SLBP: variants seen among roughly 807,000 people sequenced by gnomAD.
SLBP encodes the protein stem-loop histone mRNA binding protein, also known as histone RNA hairpin-binding protein.
A neutral mutation model predicts 39.2 loss-of-function variants in SLBP; 29 were observed. The ratio of observed to expected loss-of-function variants is 0.74; its 90% CI spans 0.55 to 1.01. The LOEUF (loss-of-function observed/expected upper bound fraction) is 1.01. Among genes scored for constraint, SLBP ranks in the 50% least tolerant of loss-of-function variants. SLBP has a pLI of 0.00. For synonymous variants in SLBP, 129 were observed against 118.7 expected (o/e 1.09, Z -0.57); for missense variants, 390 against 350.2 (o/e 1.11, Z -0.91).
At position 1,700,106 on chromosome 4, in the gene SLBP, G is replaced by C. The variant is rs759114397; in HGVS notation, c.282-36C>G. ...AATAAATATTGCTGTTTTTAAAAAA[G>C]ATATAAAAATAAAGCAGCCAGGTCT... On this transcript the variant is annotated intron_variant, in intron 3 of 7. Coordinates refer to ENST00000489418, the MANE Select transcript of SLBP (RefSeq NM_006527.4). 2.0e-6 allele frequency: 3 copies of C among 1,487,560 alleles called. No homozygotes were observed. The African/African-American group carries it at 4.2e-5, about 21-fold the overall frequency. The allele number at this position is 1,487,560 out of a possible 1,614,324, so 92.1% of individuals were successfully genotyped here.
intron 2 of SLBP, among the ~76,000 whole-genome samples, chr4:1,705,878 C>G (rs954939376): frequency 1.3e-5 from 2 of 152,128 alleles, no homozygotes; most frequent in African/African-American, 4.8e-5. Context: ...CCCAGCTACA[C>G]AGGAGGCCCA....
rs750212720 is a variant in SLBP at position 1,712,279 on chromosome 4, A to G, written c.-91T>C. On this transcript the variant is annotated 5_prime_UTR_variant, in exon 1 of 8. Transcript: ENST00000489418. ...GCAGAGTAGAGCAGGGCAGGGCCTG[A>G]GGCAGAAACCCGCGTCCCCGCGCCG... 506 of 807,936 alleles carry G rather than the reference A, an allele frequency of 6.3e-4. 1 individual carries two copies. Among genetic ancestry groups the G allele is most frequent in the Non-Finnish European group, 7.0e-4 (406 of 582,644 alleles). The allele number at this position is 807,936 out of a possible 1,614,324, so 50.0% of individuals were successfully genotyped here. A position where few individuals can be genotyped will look rare whatever the true frequency, so the allele number is the denominator to read the frequency against.
intron 5 of SLBP, among the ~76,000 whole-genome samples, chr4:1,698,473 TA>T (rs552892557): frequency 5.6e-3 from 699 of 124,478 alleles, no homozygotes; most frequent in Admixed American, 6.5e-3. Flanking sequence ...TCCAAAAAAG[TA>T]AAAAAAAAAA....
chr4:1,696,433 G>A (rs1240675541), intron 5 of SLBP, 82 bp from the exon 6 acceptor site: 13 of 1,188,538 alleles, frequency 1.1e-5, no homozygotes, highest in South Asian at 1.8e-5. Flanking sequence ...CAAACTATGA[G>A]ATTAGTATTA....
At position 1,696,316 on chromosome 4, in the gene SLBP, G is replaced by C; in HGVS notation, c.515C>G (p.Pro172Arg). Residue 172 changes from proline to arginine, a missense_variant, in exon 6 of 8, where the codon CCT (proline) becomes CGT (arginine). Transcript: ENST00000489418. ...LRQPGIHPKT[P>R]NKFKKYSRRS... is the part of the protein sequence containing the mutation. Reference sequence around the variant, plus strand: ...TCGACTATACTTCTTAAATTTATTAGGGGTCTTGGGATGAATGCCAGGTTG... The same window carrying C: ...TCGACTATACTTCTTAAATTTATTACGGGTCTTGGGATGAATGCCAGGTTG... 6.3e-7 allele frequency: 1 copy of C among 1,599,504 alleles called. No individual in the cohort carries two copies. Among genetic ancestry groups the C allele is most frequent in the Non-Finnish European group, 8.5e-7 (1 of 1,173,560 alleles).
rs568640852 is a variant in SLBP, at chr4:1,696,883, C to G, written c.480-532G>C. 8.4e-3 allele frequency among the ~76,000 whole-genome samples: 1,224 copies of G among 145,358 alleles called. 9 individuals are homozygous for G. Among genetic ancestry groups the G allele is most frequent in the Middle Eastern group, 0.018 (5 of 280 alleles). On this transcript the variant is annotated intron_variant, in intron 5 of 7. Transcript: ENST00000489418. ...CTGCACTCCAGCATGGGCAACACAG[C>G]GAGACTTCACCTCCAAAAAAAAAAA...
chr4:1,700,124 C>G lies in SLBP; in HGVS notation c.282-54G>C, dbSNP rs762133868. The stretch of plus-strand genomic sequence containing the variant: ...TAAAAAAGATATAAAAATAAAGCAG[C>G]CAGGTCTGAGGAAGCTCCACCCTGA... On this transcript the variant is annotated intron_variant, in intron 3 of 7. Transcript: ENST00000489418. 4.4e-6 allele frequency: 6 copies of G among 1,354,660 alleles called. No homozygotes were observed. The African/African-American group carries it at 8.7e-5, about 20-fold the overall frequency. The allele number at this position is 1,354,660 out of a possible 1,614,324, so 83.9% of individuals were successfully genotyped here. A position where few individuals can be genotyped will look rare whatever the true frequency, so the allele number is the denominator to read the frequency against.
intron 2 of SLBP, among the ~76,000 whole-genome samples, chr4:1,708,062 G>A (rs1213705731): frequency 2.1e-5 from 3 of 145,698 alleles, no homozygotes; most frequent in African/African-American, 7.7e-5. Flanking sequence ...CTGGGCGACA[G>A]AGCAAGACTC....
Position 1,712,250 on chromosome 4 carries a change from G to T in SLBP, c.-62C>A. ...CTGAGGCGGCGGCGGCGCGGGCAGA[G>T]AGCGCAGAGTAGAGCAGGGCAGGGC... On this transcript the variant is annotated 5_prime_UTR_variant, in exon 1 of 8. Transcript: ENST00000489418. 1 of 1,081,616 alleles carries T rather than the reference G, an allele frequency of 9.2e-7. No homozygotes were observed. The highest frequency in any genetic ancestry group is 2.3e-5 in the South Asian group (1 of 42,626). 67.0% of individuals were successfully genotyped at this position (1,081,616 alleles called of 1,614,324 possible).
intron 2 of SLBP, among the ~76,000 whole-genome samples, chr4:1,710,480 A>C (rs1369927528): frequency 6.6e-6 from 1 of 152,238 alleles, no homozygotes; most frequent in Non-Finnish European, 1.5e-5. Flanking sequence ...GAATTTAGCT[A>C]ATGTTAAGGA....
Position 1,707,423 on chromosome 4 carries a change from T to G in SLBP, c.177-3723A>C, listed in dbSNP as rs571152067. ...CGGGAGGCTAAGGCAGGAGAATCAC[T>G]TGAACCTGGGAGGTGGAGGTTGCAC... is the stretch of plus-strand genomic sequence containing the variant. On this transcript the variant is annotated intron_variant, in intron 2 of 7. Transcript: ENST00000489418. Among the ~76,000 whole-genome samples, 2 of 151,058 alleles carry G rather than the reference T, an allele frequency of 1.3e-5. 1 individual carries two copies. Among genetic ancestry groups the G allele is most frequent in the Non-Finnish European group, 3.0e-5 (2 of 67,554 alleles).
rs202013419 is a variant in SLBP, at chr4:1,703,957, A to G, written c.177-257T>C. 3.9e-5 allele frequency among the ~76,000 whole-genome samples: 6 copies of G among 152,304 alleles called. No individual in the cohort carries two copies. In the East Asian group the frequency reaches 1.2e-3, roughly 29 times the overall value. On this transcript the variant is annotated intron_variant, in intron 2 of 7. Coordinates refer to ENST00000489418, the MANE Select transcript of SLBP (RefSeq NM_006527.4). ...CAGTGAACTATGTGTATCAAACCATACTAAACTGGAGTTTAGCAGGACAAA... is the reference window on the plus strand; with the variant it reads ...CAGTGAACTATGTGTATCAAACCATGCTAAACTGGAGTTTAGCAGGACAAA...
intron 2 of SLBP, among the ~76,000 whole-genome samples, chr4:1,708,775 T>A (rs913337676): frequency 1.3e-5 from 2 of 152,236 alleles, no homozygotes; most frequent in African/African-American, 2.4e-5. Flanking sequence ...TACTTCTAGA[T>A]CTTATCCATC....
chr4:1,698,216 C>A (rs1240465735), intron 5 of SLBP, among the ~76,000 whole-genome samples: 1 of 150,704 alleles, frequency 6.6e-6, no homozygotes. Flanking sequence ...GAAAATTAAC[C>A]AAGTGTGGTG....
At position 1,700,027 on chromosome 4, in the gene SLBP, TTCTC is replaced by T; in HGVS notation, c.321_324del (p.Arg108AsnfsTer27). The T allele has an allele frequency of 6.3e-7, 1 of 1,599,600 alleles. No individual in the cohort carries two copies. On this transcript the variant is annotated frameshift_variant, in exon 4 of 8. Transcript: ENST00000489418. LOFTEE classifies it high-confidence loss of function. ...AGCCTTTACCTTCCTGATGATGATT[TTCTC>T]TCTCTTCCAAAGTCATTGATGAGGA... is the stretch of plus-strand genomic sequence containing the variant.
chr4:1,693,436 T>C lies in SLBP; in HGVS notation c.*161A>G. On this transcript the variant is annotated 3_prime_UTR_variant, in exon 8 of 8. Transcript: ENST00000489418. ...AAAATATACTCACTATACATAAAAT[T>C]AATGTTTCTTAAGAAAGTAAGGCAA... 1.7e-6 allele frequency: 1 copy of C among 602,818 alleles called. No individual in the cohort carries two copies. 37.3% of individuals were successfully genotyped at this position (602,818 alleles called of 1,614,324 possible). A position where few individuals can be genotyped will look rare whatever the true frequency, so the allele number is the denominator to read the frequency against.
intron 2 of SLBP, among the ~76,000 whole-genome samples, chr4:1,711,421 G>A (rs943441585): frequency 2.0e-5 from 3 of 151,984 alleles, no homozygotes; most frequent in Non-Finnish European, 2.9e-5. Flanking sequence ...ATTTCCTCCA[G>A]ACCCTCCTCG....
intron 2 of SLBP, among the ~76,000 whole-genome samples, chr4:1,706,796 C>T (rs1388340991): frequency 6.6e-6 from 1 of 151,732 alleles, no homozygotes; most frequent in Non-Finnish European, 1.5e-5. Context: ...GCACTGCACT[C>T]CAGCCTGGGG....
At chr4:1,711,406 T>C (rs1262284069) in intron 2 of SLBP, among the ~76,000 whole-genome samples, 2 of 151,894 alleles carry the variant, frequency 1.3e-5, no homozygotes, top group Non-Finnish European at 2.9e-5. Flanking sequence ...CTGGCACCCC[T>C]GCTTATTTCC....
Sources: gnomAD v4.1 joint callset for allele counts (sites outside exome capture counted in the v4.1 genomes callset) on GRCh38, gnomAD v4.1.1 for gene constraint, MANE v1.5 for transcripts, NCBI Gene and HGNC (gene_info 2026-07-23, HGNC 2026-07-21) for gene names.